The following TEDC1 variants were observed in gnomAD, a reference collection of about 807,000 sequenced individuals.
TEDC1 encodes tubulin epsilon and delta complex 1.
A neutral mutation model predicts 59.9 loss-of-function variants in TEDC1; 54 were observed. That is an observed-to-expected ratio of 0.90 (90% CI 0.72 to 1.13). The LOEUF (loss-of-function observed/expected upper bound fraction) is 1.13. Among genes scored for constraint, TEDC1 ranks in the 50% most tolerant of loss-of-function variants. The pLI, the probability that TEDC1 is intolerant of heterozygous loss-of-function variation, is 0.00. For missense variants in TEDC1, 734 were observed against 683.4 expected, an observed-to-expected ratio of 1.07 and a Z score of -0.83; for synonymous variants, 353 against 298.1, an observed-to-expected ratio of 1.18 and a Z score of -1.90.
In TEDC1 at chr14:105,495,879, G is replaced by A; in HGVS notation, c.685-1G>A. The A allele has an allele frequency of 6.5e-7, 1 of 1,548,730 alleles. No individual in the cohort carries two copies. On this transcript the variant is annotated splice_acceptor_variant, in intron 5 of 8. Transcript: ENST00000392523. LOFTEE classifies it high-confidence loss of function. ...GGGGCCATGGCTGGCTTCCTTCCAAGGTTTCTGGAGCGGGAGCTGCCCAAA... is the reference window on the plus strand; with the variant it reads ...GGGGCCATGGCTGGCTTCCTTCCAAAGTTTCTGGAGCGGGAGCTGCCCAAA...
Position 105,492,311 on chromosome 14 carries a change from T to C in TEDC1, c.429+2T>C. ...GGTGACGAGATGACTGTGTGCCAGG[T>C]GCGTGTGGGTGAGGGTGAGCTGAGC... On this transcript the variant is annotated splice_donor_variant, in intron 3 of 8. Transcript: ENST00000392523. LOFTEE classifies it high-confidence loss of function. 1 of 1,601,558 alleles carries C rather than the reference T, an allele frequency of 6.2e-7. No homozygotes were observed. Among genetic ancestry groups the C allele is most frequent in the South Asian group, 1.1e-5 (1 of 90,978 alleles).
intron 6 of TEDC1, chr14:105,497,141 C>CAG (rs2084364220): frequency 1.6e-6 from 1 of 626,874 alleles, no homozygotes; most frequent in South Asian, 1.9e-5. Flanking sequence ...CCCTGCACTG[C>CAG]AGAAAGGACA....
In TEDC1 at chr14:105,499,100, C is replaced by T; in HGVS notation, c.*154C>T. On this transcript the variant is annotated 3_prime_UTR_variant, in exon 9 of 9. Transcript: ENST00000392523. Reference sequence around the variant, plus strand: ...CTCCAGGGGTGGGGCTGGGCTGACTCTGGCCGGATCCCAGGCCTGTGGCTA... The same window carrying T: ...CTCCAGGGGTGGGGCTGGGCTGACTTTGGCCGGATCCCAGGCCTGTGGCTA... The T allele has an allele frequency of 1.2e-6, 1 of 817,942 alleles. No individual in the cohort carries two copies. Among genetic ancestry groups the T allele is most frequent in the Admixed American group, 2.9e-5 (1 of 34,690 alleles). The allele number at this position is 817,942 out of a possible 1,614,324, so 50.7% of individuals were successfully genotyped here.
chr14:105,490,104 G>A (rs1205265883), upstream of TEDC1: 2 of 152,148 alleles, frequency 1.3e-5, no homozygotes, highest in Non-Finnish European at 2.9e-5. Context: ...CGGAGGGAAG[G>A]AGGCTGCGGG....
At position 105,499,115 on chromosome 14, in the gene TEDC1, G is replaced by A. The variant is rs2084414527; in HGVS notation, c.*169G>A. 1 of 724,854 alleles carries A rather than the reference G, an allele frequency of 1.4e-6. No homozygotes were observed. Among genetic ancestry groups the A allele is most frequent in the Non-Finnish European group, 2.2e-6 (1 of 450,634 alleles). 44.9% of individuals were successfully genotyped at this position (724,854 alleles called of 1,614,324 possible). ...TGGGCTGACTCTGGCCGGATCCCAG[G>A]CCTGTGGCTAGCAGCACTGGGGACA... On this transcript the variant is annotated 3_prime_UTR_variant, in exon 9 of 9. Transcript: ENST00000392523.
In TEDC1 at chr14:105,498,962, C is replaced by T. The variant is rs782142682; in HGVS notation, c.*16C>T. ...TGGACGCTGAGGGCCTGTCGACGGG[C>T]CCTCGTGTGGGAAGCCTGCCCTGGC... On this transcript the variant is annotated 3_prime_UTR_variant, in exon 9 of 9. Coordinates refer to ENST00000392523, the MANE Select transcript of TEDC1 (RefSeq NM_001367178.1). 7.6e-6 allele frequency: 12 copies of T among 1,583,774 alleles called. No individual in the cohort carries two copies. Among genetic ancestry groups the T allele is most frequent in the Admixed American group, 1.7e-5 (1 of 57,266 alleles).
Position 105,493,921 on chromosome 14 carries a change from G to A in TEDC1, c.672G>A (p.Glu224=). The change falls in exon 5 of 9, where the codon GAG becomes GAA. Residue 224 remains glutamate, a synonymous_variant. Coordinates refer to ENST00000392523, the MANE Select transcript of TEDC1 (RefSeq NM_001367178.1). ...VTEAEMLRDP[E]GGQQVSGAGA... is the part of the protein sequence containing the mutation. ...AAGCAGAGATGCTCAGGGACCCAGAGGGAGGCCAGCAGGTGAGGGCGGGCA... is the reference window on the plus strand; with the variant it reads ...AAGCAGAGATGCTCAGGGACCCAGAAGGAGGCCAGCAGGTGAGGGCGGGCA... 3 of 1,592,842 alleles carry A rather than the reference G, an allele frequency of 1.9e-6. No homozygotes were observed. The highest frequency in any genetic ancestry group is 2.6e-6 in the Non-Finnish European group (3 of 1,175,810).
At chr14:105,498,417 A>G (rs587687184) in intron 8 of TEDC1, among the ~76,000 whole-genome samples, 200 bp from the exon 9 acceptor site, 3 of 152,130 alleles carry the variant, frequency 2.0e-5, no homozygotes, top group East Asian at 1.9e-4. Flanking sequence ...GGCTCCATCT[A>G]TTTTCTTTTT....
intron 6 of TEDC1, 43 bp from the exon 7 acceptor site, chr14:105,497,314 G>A (rs1477891590): frequency 2.0e-6 from 3 of 1,528,872 alleles, no homozygotes; most frequent in Admixed American, 2.0e-5. Context: ...CTGTCCATGG[G>A]GTCCCGTGTG....
Position 105,491,444 on chromosome 14 carries a change from C to G in TEDC1, c.69C>G (p.Ile23Met), listed in dbSNP as rs1555439231. 1 of 1,451,866 alleles carries G rather than the reference C, an allele frequency of 6.9e-7. No homozygotes were observed. Among genetic ancestry groups the G allele is most frequent in the Admixed American group, 2.5e-5 (1 of 39,536 alleles). The allele number at this position is 1,451,866 out of a possible 1,614,324, so 89.9% of individuals were successfully genotyped here. A position where few individuals can be genotyped will look rare whatever the true frequency, so the allele number is the denominator to read the frequency against. Reference sequence around the variant, plus strand: ...GGGCCGGGGCCCTGCCTGAGGCCATCGCCGCGTTGAGTCGGTCGCTGCCCT... The same window carrying G: ...GGGCCGGGGCCCTGCCTGAGGCCATGGCCGCGTTGAGTCGGTCGCTGCCCT... ...GARAGALPEA[I>M]AALSRSLPSG... The change falls in exon 1 of 9, where the codon ATC (isoleucine) becomes ATG (methionine). Residue 23 changes from isoleucine to methionine, a missense_variant. Ile to Met is a conservative substitution (Grantham distance 10, BLOSUM62 1). Coordinates refer to ENST00000392523, the MANE Select transcript of TEDC1 (RefSeq NM_001367178.1).
At chr14:105,498,511 C>T (rs192646639) in intron 8 of TEDC1, 106 bp from the exon 9 acceptor site, 150 of 1,252,094 alleles carry the variant, frequency 1.2e-4, no homozygotes, top group East Asian at 3.3e-4. Flanking sequence ...GGGCGTTTCC[C>T]GCATGCCTGC....
Position 105,499,106 on chromosome 14 carries a change from G to C in TEDC1, c.*160G>C. The stretch of plus-strand genomic sequence containing the variant: ...GGGTGGGGCTGGGCTGACTCTGGCC[G>C]GATCCCAGGCCTGTGGCTAGCAGCA... On this transcript the variant is annotated 3_prime_UTR_variant, in exon 9 of 9. Transcript: ENST00000392523. 1.3e-6 allele frequency: 1 copy of C among 776,702 alleles called. No homozygotes were observed. The highest frequency in any genetic ancestry group is 2.0e-6 in the Non-Finnish European group (1 of 497,606). The allele number at this position is 776,702 out of a possible 1,614,324, so 48.1% of individuals were successfully genotyped here.
chr14:105,498,698 C>G lies in TEDC1; in HGVS notation c.1240C>G (p.Leu414Val), dbSNP rs2084402814. 1 of 1,553,752 alleles carries G rather than the reference C, an allele frequency of 6.4e-7. No homozygotes were observed. The highest frequency in any genetic ancestry group is 1.4e-5 in the African/African-American group (1 of 73,422). Residue 414 changes from leucine to valine, a missense_variant, in exon 9 of 9, where the codon CTA (leucine) becomes GTA (valine). By Grantham distance (32) the Leu-to-Val change is conservative. Transcript: ENST00000392523. ...REAVEKELGALQQCWERDGGP... is the reference protein window; with the variant it reads ...REAVEKELGAVQQCWERDGGP... ...GGCTGTGGAAAAGGAGCTGGGAGCT[C>G]TACAGCAGTGCTGGGAGCGAGACGG...
At chr14:105,496,349 C>T (rs782676727) in intron 6 of TEDC1, 48 of 504,434 alleles carry the variant, frequency 9.5e-5, no homozygotes, top group Non-Finnish European at 1.5e-4. Context: ...GCTCCCACAC[C>T]GCCCACAGAC....
intron 4 of TEDC1, 82 bp downstream of exon 4, chr14:105,492,816 G>A (rs1178176496): frequency 2.1e-5 from 31 of 1,483,468 alleles, no homozygotes; most frequent in Admixed American, 1.6e-4. Context: ...AGCCCGTCCC[G>A]TGAGGCCTGG....
chr14:105,494,096 A>T, intron 5 of TEDC1, 163 bp downstream of exon 5: 1 of 636,806 alleles, frequency 1.6e-6, no homozygotes, highest in South Asian at 1.8e-5. Context: ...TGGGTGACAG[A>T]CAGCTTCTCT....
intron 6 of TEDC1, 161 bp downstream of exon 6, chr14:105,496,247 G>A: frequency 1.4e-6 from 1 of 739,760 alleles, no homozygotes; most frequent in Non-Finnish European, 2.2e-6. Flanking sequence ...CAGGTGTGTT[G>A]AAGCGGCCGT....
At chr14:105,494,090 TGACA>T (rs1289707593) in intron 5 of TEDC1, 157 bp downstream of exon 5, 2 of 643,708 alleles carry the variant, frequency 3.1e-6, no homozygotes, top group East Asian at 5.5e-5. Flanking sequence ...CCAGCCTGGG[TGACA>T]GACAGCTTCT....
intron 5 of TEDC1, chr14:105,495,624 G>A (rs923543210): frequency 1.7e-5 from 8 of 458,356 alleles, no homozygotes; most frequent in African/African-American, 7.9e-5. Context: ...GGCAGCATCC[G>A]GGCGTCCTGG....
Sources: gnomAD v4.1 joint callset for allele counts (sites outside exome capture counted in the v4.1 genomes callset) on GRCh38, gnomAD v4.1.1 for gene constraint, MANE v1.5 for transcripts, NCBI Gene and HGNC (gene_info 2026-07-23, HGNC 2026-07-21) for gene names.